The following SCFD1 variants were observed in gnomAD, a reference collection of about 807,000 sequenced individuals.
SCFD1 encodes the protein sec1 family domain containing 1.
In SCFD1, 37 loss-of-function variants were observed where a neutral mutation model predicts 103.2. The ratio of observed to expected loss-of-function variants is 0.36; its 90% CI spans 0.28 to 0.47. SCFD1 has a LOEUF of 0.47. SCFD1 is among the 20% of genes least tolerant of loss of function. SCFD1 has a pLI of 1.00. For missense variants in SCFD1, 639 were observed against 761.2 expected (o/e 0.84, Z 1.89); for synonymous variants, 264 against 245.0 (o/e 1.08, Z -0.73).
intron 3 of SCFD1, 23 bp downstream of exon 3, chr14:30,630,588 T>C (rs747635167): frequency 5.4e-6 from 7 of 1,297,336 alleles, no homozygotes; most frequent in African/African-American, 1.5e-5. Context: ...ATATTTCTAA[T>C]AGTGGTATTC....
intron 23 of SCFD1, among the ~76,000 whole-genome samples, chr14:30,733,000 A>AT (rs757293549): frequency 3.9e-4 from 57 of 147,400 alleles, no homozygotes; most frequent in Non-Finnish European, 4.6e-4. Context: ...ATAAAGTTCG[A>AT]TTTTTTTTTC....
chr14:30,622,494 GT>G, intron 1 of SCFD1, 95 bp downstream of exon 1: 1 of 1,494,330 alleles, frequency 6.7e-7, no homozygotes, highest in Non-Finnish European at 9.0e-7. Context: ...ATCTCCAGGA[GT>G]TTAATCCAGT....
At chr14:30,659,942 A>C (rs965082032) in intron 10 of SCFD1, among the ~76,000 whole-genome samples, 6 of 152,222 alleles carry the variant, frequency 3.9e-5, no homozygotes, top group African/African-American at 1.2e-4. Context: ...ACTCATGTTT[A>C]CATTGTTCAG....
intron 23 of SCFD1, among the ~76,000 whole-genome samples, chr14:30,728,630 T>G (rs1053376896): frequency 6.6e-6 from 1 of 152,190 alleles, no homozygotes; most frequent in African/African-American, 2.4e-5. Flanking sequence ...CTGTAATCAT[T>G]TGAAGAACTA....
In SCFD1 at chr14:30,622,359, G is replaced by GACA. The variant is rs767170755; in HGVS notation, c.22_24dup (p.Thr8dup). ...CCAAGATGGCGGCGGCGGCGGCAGC[G>GACA]ACAGCAGCAGCAGCAGCCAGTATTC... is the stretch of plus-strand genomic sequence containing the variant. On this transcript the variant is annotated inframe_insertion, in exon 1 of 25. Coordinates refer to ENST00000458591, the MANE Select transcript of SCFD1 (RefSeq NM_016106.4). The GACA allele has an allele frequency of 6.4e-7, 1 of 1,565,336 alleles. No individual in the cohort carries two copies. The highest frequency in any genetic ancestry group is 1.4e-5 in the African/African-American group (1 of 73,568).
At chr14:30,692,437 G>A (rs1890382379) in intron 14 of SCFD1, among the ~76,000 whole-genome samples, 2 of 152,116 alleles carry the variant, frequency 1.3e-5, no homozygotes. Context: ...GGAGGAGACT[G>A]GGAGAGGGTC....
At chr14:30,678,890 A>G (rs1469837565) in intron 14 of SCFD1, among the ~76,000 whole-genome samples, 1 of 152,208 alleles carries the variant, frequency 6.6e-6, no homozygotes, top group Admixed American at 6.5e-5. Context: ...AGACAGTCTT[A>G]TAGGGACTGA....
At chr14:30,636,586 T>C (rs191365777) in intron 4 of SCFD1, among the ~76,000 whole-genome samples, 92 of 152,262 alleles carry the variant, frequency 6.0e-4, no homozygotes, top group Admixed American at 3.6e-3. Flanking sequence ...CATTGATATC[T>C]ATGTCTTTCC....
intron 23 of SCFD1, among the ~76,000 whole-genome samples, chr14:30,729,959 T>C (rs1164970847): frequency 6.6e-6 from 1 of 152,194 alleles, no homozygotes; most frequent in Non-Finnish European, 1.5e-5. Flanking sequence ...GCTGCGCCCA[T>C]TAACTCATCG....
chr14:30,628,152 G>T, intron 1 of SCFD1, 57 bp from the exon 2 acceptor site: 2 of 1,321,308 alleles, frequency 1.5e-6, no homozygotes, highest in Middle Eastern at 2.0e-4. Flanking sequence ...TGATGATGGA[G>T]GAAAAATAAA....
chr14:30,636,848 A>C (rs1384419475), intron 4 of SCFD1, among the ~76,000 whole-genome samples: 1 of 152,050 alleles, frequency 6.6e-6, no homozygotes, highest in Non-Finnish European at 1.5e-5. Context: ...ATAAAAATTC[A>C]ATTGATTTTT....
At chr14:30,704,697 A>G (rs1891347376) in intron 17 of SCFD1, among the ~76,000 whole-genome samples, 2 of 152,020 alleles carry the variant, frequency 1.3e-5, no homozygotes, top group Admixed American at 1.3e-4. Context: ...AGTGATTTAC[A>G]TTTTTTTCCC....
At chr14:30,623,693 AT>A (rs1305172276) in intron 1 of SCFD1, among the ~76,000 whole-genome samples, 1 of 152,228 alleles carries the variant, frequency 6.6e-6, no homozygotes, top group Non-Finnish European at 1.5e-5. Flanking sequence ...GTATGCAGAA[AT>A]TTTGTAGATC....
In SCFD1 at chr14:30,673,933, G is replaced by C. The variant is rs188633347; in HGVS notation, c.1096G>C (p.Gly366Arg). The change falls in exon 13 of 25, where the codon GGG (glycine) becomes CGG (arginine). Residue 366 changes from glycine to arginine, a missense_variant. Coordinates refer to ENST00000458591, the MANE Select transcript of SCFD1 (RefSeq NM_016106.4). ...CTTTTTTCTTTACAAGGGACTAGAA[G>C]GGGAAGATGAAGGAGCCATAAGTAT... is the stretch of plus-strand genomic sequence containing the variant. Reference protein sequence around the residue: ...KRLKSIMGLEGEDEGAISMLS... With the variant: ...KRLKSIMGLEREDEGAISMLS... The C allele has an allele frequency of 2.5e-5, 40 of 1,613,198 alleles. No homozygotes were observed. The Admixed American group carries it at 5.8e-4, about 24-fold the overall frequency.
At chr14:30,670,997 A>G (rs1888485871) in intron 11 of SCFD1, among the ~76,000 whole-genome samples, 1 of 152,134 alleles carries the variant, frequency 6.6e-6, no homozygotes, top group Non-Finnish European at 1.5e-5. Context: ...GGCTAGAGCC[A>G]TCATTCTAAA....
intron 3 of SCFD1, 172 bp downstream of exon 3, chr14:30,630,737 T>C: frequency 1.9e-6 from 1 of 519,924 alleles, no homozygotes; most frequent in East Asian, 3.4e-5. Context: ...GCTTTATAAT[T>C]TCAGAATTTA....
intron 14 of SCFD1, among the ~76,000 whole-genome samples, chr14:30,688,980 C>G (rs2139285736): frequency 2.3e-5 from 1 of 43,064 alleles, no homozygotes; most frequent in East Asian, 1.1e-3. Context: ...TTTAGCGCTT[C>G]CTTCAGGAGC....
intron 23 of SCFD1, among the ~76,000 whole-genome samples, chr14:30,723,954 G>A (rs768284973): frequency 2.6e-4 from 40 of 151,544 alleles, no homozygotes; most frequent in Non-Finnish European, 5.2e-4. Flanking sequence ...TTCTGTCTAG[G>A]TCTTTGAGGA....
rs1594528662 is a variant in SCFD1, at chr14:30,622,337, A to AGATGGC, written c.1_6dup. ...GCCGGGCAGTGGCTCGTGGGAGCCA[A>AGATGGC]GATGGCGGCGGCGGCGGCAGCGACA... On this transcript the variant is annotated 5_prime_UTR_variant, in exon 1 of 25. It adds an upstream start codon to the 5' untranslated region. Coordinates refer to ENST00000458591, the MANE Select transcript of SCFD1 (RefSeq NM_016106.4). 6.3e-7 allele frequency: 1 copy of AGATGGC among 1,579,548 alleles called. No individual in the cohort carries two copies. The highest frequency in any genetic ancestry group is 8.6e-7 in the Non-Finnish European group (1 of 1,163,634).
Sources: gnomAD v4.1 joint callset for allele counts (sites outside exome capture counted in the v4.1 genomes callset) on GRCh38, gnomAD v4.1.1 for gene constraint, MANE v1.5 for transcripts, NCBI Gene and HGNC (gene_info 2026-07-23, HGNC 2026-07-21) for gene names.